Variants in COL22A1 observed in about 807,000 individuals in gnomAD.
COL22A1 encodes the protein collagen type XXII alpha 1 chain, also known as collagen alpha-1(XXII) chain.
COL22A1 carries 221 observed loss-of-function variants against 248.9 expected under a neutral mutation model. The ratio of observed to expected loss-of-function variants is 0.89; its 90% CI spans 0.80 to 0.99. The LOEUF is 0.99. Among genes scored for constraint, COL22A1 ranks in the 50% least tolerant of loss-of-function variants. The probability of loss-of-function intolerance (pLI) is 0.00; values close to 1 mark genes in which losing one functional copy is unlikely to be tolerated. For missense variants in COL22A1, 2,240 were observed against 2,179.0 expected, an observed-to-expected ratio of 1.03 and a Z score of -0.56; for synonymous variants, 891 against 793.4, an observed-to-expected ratio of 1.12 and a Z score of -2.07.
intron 18 of COL22A1, among the ~76,000 whole-genome samples, chr8:138,760,019 C>T (rs1246604428): frequency 6.6e-6 from 1 of 151,848 alleles, no homozygotes; most frequent in African/African-American, 2.4e-5. Flanking sequence ...ACTTTCTTTG[C>T]TTTTCAAATG....
chr8:138,706,152 C>A (rs1235088959), intron 30 of COL22A1, among the ~76,000 whole-genome samples: 4 of 152,102 alleles, frequency 2.6e-5, no homozygotes, highest in African/African-American at 7.2e-5. Flanking sequence ...CCTTAGAGAC[C>A]TACAAAAAGA....
chr8:138,717,107 T>C (rs1326473251), intron 27 of COL22A1, among the ~76,000 whole-genome samples: 1 of 152,184 alleles, frequency 6.6e-6, no homozygotes, highest in Non-Finnish European at 1.5e-5. Flanking sequence ...AAGAAACAAC[T>C]CTTAGAACTG....
At chr8:138,648,204 G>T (rs1240499893) in intron 46 of COL22A1, among the ~76,000 whole-genome samples, 1 of 152,178 alleles carries the variant, frequency 6.6e-6, no homozygotes, top group Non-Finnish European at 1.5e-5. Flanking sequence ...TTCCTTCCAG[G>T]GTTCCAGAGT....
chr8:138,770,770 G>A (rs770347192), intron 16 of COL22A1, among the ~76,000 whole-genome samples: 4 of 152,206 alleles, frequency 2.6e-5, no homozygotes, highest in Non-Finnish European at 4.4e-5. Context: ...GAGGCACAGA[G>A]AGGAGCCAGC....
At chr8:138,805,612 G>A (rs1164067118) in intron 10 of COL22A1, among the ~76,000 whole-genome samples, 5 of 133,604 alleles carry the variant, frequency 3.7e-5, no homozygotes, top group Non-Finnish European at 8.0e-5. Context: ...GGTGTGGGAC[G>A]GTGTGTGAGG....
intron 40 of COL22A1, among the ~76,000 whole-genome samples, 165 bp from the exon 41 acceptor site, chr8:138,676,800 C>T (rs1019013969): frequency 6.6e-6 from 1 of 152,256 alleles, no homozygotes; most frequent in African/African-American, 2.4e-5. Context: ...TCATCCCACT[C>T]AGCCCAATAT....
At chr8:138,731,763 G>A (rs971743039) in intron 23 of COL22A1, among the ~76,000 whole-genome samples, 1 of 152,118 alleles carries the variant, frequency 6.6e-6, no homozygotes, top group Non-Finnish European at 1.5e-5. Flanking sequence ...TTCCAGATAA[G>A]AGAACACTCT....
intron 1 of COL22A1, among the ~76,000 whole-genome samples, chr8:138,891,603 T>A (rs1825077515): frequency 6.6e-6 from 1 of 152,196 alleles, no homozygotes; most frequent in South Asian, 2.1e-4. Context: ...GAACTTGGGC[T>A]TAAGTAATCC....
At chr8:138,596,997 T>A in intron 61 of COL22A1, 27 bp from the exon 62 acceptor site, 1 of 1,594,482 alleles carries the variant, frequency 6.3e-7, no homozygotes, top group Non-Finnish European at 8.6e-7. Context: ...GTGGAGTCAT[T>A]CATCTTCCCA....
At chr8:138,741,520 T>C (rs61684253) in intron 22 of COL22A1, among the ~76,000 whole-genome samples, 2,691 of 152,282 alleles carry the variant, frequency 0.018, 75 homozygotes, top group African/African-American at 0.06. Flanking sequence ...TTTCAAAAGA[T>C]AATAGGAGAA....
At chr8:138,719,705 C>T (rs1474309084) in intron 27 of COL22A1, among the ~76,000 whole-genome samples, 1 of 152,220 alleles carries the variant, frequency 6.6e-6, no homozygotes, top group African/African-American at 2.4e-5. Flanking sequence ...GGGTCAGCTT[C>T]CCCCACTGTG....
At chr8:138,852,025 G>A (rs1009864046) in intron 3 of COL22A1, among the ~76,000 whole-genome samples, 1 of 152,102 alleles carries the variant, frequency 6.6e-6, no homozygotes, top group Admixed American at 6.6e-5. Context: ...AGGGGGGATT[G>A]GAGGCAACTA....
At chr8:138,911,115 C>G (rs1321732372) in intron 1 of COL22A1, among the ~76,000 whole-genome samples, 2 of 152,240 alleles carry the variant, frequency 1.3e-5, no homozygotes, top group African/African-American at 4.8e-5. Flanking sequence ...TCCCATCTGT[C>G]TGAATGCCTC....
chr8:138,891,740 A>G (rs1825088460), intron 1 of COL22A1, among the ~76,000 whole-genome samples: 1 of 152,174 alleles, frequency 6.6e-6, no homozygotes, highest in African/African-American at 2.4e-5. Context: ...CTGCAGCAAC[A>G]CTTATTTCAT....
chr8:138,652,282 C>T (rs1213298880), intron 45 of COL22A1, among the ~76,000 whole-genome samples: 1 of 152,232 alleles, frequency 6.6e-6, no homozygotes, highest in Non-Finnish European at 1.5e-5. Flanking sequence ...GGCTTCATCT[C>T]CCTGAGTCTC....
rs573581558 is a variant in COL22A1 at position 138,896,666 on chromosome 8, C to T, written c.-72-13422G>A. Among the ~76,000 whole-genome samples, 17 of 152,218 alleles carry T rather than the reference C, an allele frequency of 1.1e-4. No homozygotes were observed. The South Asian group carries it at 2.5e-3, about 22-fold the overall frequency. ...AGCACACAATATAGAGCAAAGTGCA[C>T]GAGAAAGTTTAAAATTCCATTCAAG... On this transcript the variant is annotated intron_variant, in intron 1 of 64. Coordinates refer to ENST00000303045, the MANE Select transcript of COL22A1 (RefSeq NM_152888.3).
At chr8:138,776,423 G>A (rs941079889) in intron 15 of COL22A1, among the ~76,000 whole-genome samples, 1 of 152,140 alleles carries the variant, frequency 6.6e-6, no homozygotes, top group East Asian at 1.9e-4. Flanking sequence ...TTGAATCAGA[G>A]AATGGCTCCT....
chr8:138,908,243 C>A (rs904423135), intron 1 of COL22A1, among the ~76,000 whole-genome samples: 2 of 152,158 alleles, frequency 1.3e-5, no homozygotes, highest in Non-Finnish European at 2.9e-5. Context: ...GCTATTGTTC[C>A]CACACTGTTC....
intron 1 of COL22A1, among the ~76,000 whole-genome samples, chr8:138,908,664 G>A (rs777380325): frequency 6.6e-6 from 1 of 152,138 alleles, no homozygotes; most frequent in Non-Finnish European, 1.5e-5. Flanking sequence ...ATTCACAGGA[G>A]GAAAGGATCT....
Sources: allele counts gnomAD v4.1 joint callset (sites outside exome capture counted in the v4.1 genomes callset), GRCh38; gene constraint gnomAD v4.1.1; transcripts MANE v1.5; gene names NCBI Gene and HGNC (gene_info 2026-07-23, HGNC 2026-07-21).